Variants in PDE1C observed in about 807,000 individuals in gnomAD.
The protein encoded by PDE1C is dual specificity calcium/calmodulin-dependent 3',5'-cyclic nucleotide phosphodiesterase 1C.
Under a neutral mutation model 93.1 loss-of-function variants are expected in PDE1C, and 62 were observed. The observed-to-expected ratio is 0.67, with a 90% CI of 0.54 to 0.82. The LOEUF is 0.82. PDE1C is among the 40% of genes least tolerant of loss of function. The pLI, the probability that PDE1C is intolerant of heterozygous loss-of-function variation, is 0.00. For missense variants in PDE1C, 742 were observed against 884.6 expected, an observed-to-expected ratio of 0.84 and a Z score of 2.04; for synonymous variants, 325 against 310.1, an observed-to-expected ratio of 1.05 and a Z score of -0.50.
At chr7:31,623,112 G>A in the PDE1C span, among the ~76,000 whole-genome samples, 9 of 152,038 alleles carry the variant, frequency 5.9e-5, no homozygotes, top group South Asian at 2.1e-4. Context: ...GCAATAATCA[G>A]TAGCTTACCA....
intron 3 of PDE1C, among the ~76,000 whole-genome samples, chr7:32,134,208 T>A (rs1308047120): frequency 6.6e-6 from 1 of 151,860 alleles, no homozygotes; most frequent in East Asian, 1.9e-4. Flanking sequence ...AGAAGAAGAT[T>A]TAAAAATTGG....
intron 2 of PDE1C, among the ~76,000 whole-genome samples, chr7:31,891,743 C>A (rs987887331): frequency 3.3e-5 from 5 of 151,880 alleles, no homozygotes; most frequent in African/African-American, 1.2e-4. Flanking sequence ...TATACCTTGA[C>A]TGTGGTGGTG....
At chr7:31,697,233 T>G in the PDE1C span, 1 of 1,310,638 alleles carries the variant, frequency 7.6e-7, no homozygotes, top group Non-Finnish European at 1.0e-6. Flanking sequence ...TGCGTTGTCC[T>G]GAAGTGCTCT....
At chr7:31,869,485 T>A (rs1041694185) in intron 6 of PDE1C, among the ~76,000 whole-genome samples, 2 of 151,850 alleles carry the variant, frequency 1.3e-5, no homozygotes, top group African/African-American at 4.8e-5. Flanking sequence ...TTATATCAGA[T>A]AAAACAGACT....
At chr7:31,913,787 C>T (rs10271925) in intron 2 of PDE1C, among the ~76,000 whole-genome samples, 69,449 of 151,942 alleles carry the variant, frequency 0.46, 16,714 homozygotes, top group Non-Finnish European at 0.54. Flanking sequence ...CCCAGCCTCA[C>T]AAAACCGGTT....
At chr7:32,112,115 C>G (rs56008850) in intron 3 of PDE1C, among the ~76,000 whole-genome samples, 11 of 151,862 alleles carry the variant, frequency 7.2e-5, no homozygotes, top group African/African-American at 2.4e-4. Flanking sequence ...TTGAAGAGCA[C>G]GTGTCTCTCT....
In PDE1C at chr7:32,321,760, G is replaced by A. The variant is rs985694251; in HGVS notation, c.310+106062C>T. On this transcript the variant is annotated intron_variant, in intron 1 of 1. Transcript: ENST00000672256. Reference sequence around the variant, plus strand: ...AACTGGCATAAATTTCCCAGGGCAGGGTTTTTTCTACGAATGCTTCCTGAA... The same window carrying A: ...AACTGGCATAAATTTCCCAGGGCAGAGTTTTTTCTACGAATGCTTCCTGAA... Among the ~76,000 whole-genome samples, 14 of 152,180 alleles carry A rather than the reference G, an allele frequency of 9.2e-5. No individual in the cohort carries two copies. In the East Asian group the frequency reaches 2.3e-3, roughly 25 times the overall value.
intron 2 of PDE1C, among the ~76,000 whole-genome samples, chr7:31,925,844 A>AT (rs1381783827): frequency 1.3e-5 from 2 of 152,204 alleles, no homozygotes; most frequent in Non-Finnish European, 2.9e-5. Context: ...TTCCAATAAA[A>AT]TTAGTATTCA....
At chr7:31,982,101 A>G (rs997490235) in intron 2 of PDE1C, among the ~76,000 whole-genome samples, 1 of 152,204 alleles carries the variant, frequency 6.6e-6, no homozygotes, top group Non-Finnish European at 1.5e-5. Flanking sequence ...TGTGCTTTCC[A>G]TCAGCAAATA....
At chr7:32,024,108 T>C (rs1478011066) in intron 2 of PDE1C, among the ~76,000 whole-genome samples, 1 of 152,090 alleles carries the variant, frequency 6.6e-6, no homozygotes, top group Non-Finnish European at 1.5e-5. Context: ...TATATCAGGA[T>C]GTGTCATGAG....
At chr7:32,218,379 A>G (rs1482400394) in intron 1 of PDE1C, among the ~76,000 whole-genome samples, 2 of 152,236 alleles carry the variant, frequency 1.3e-5, no homozygotes, top group Non-Finnish European at 2.9e-5. Context: ...TGAAAGTGGC[A>G]GGGATGGTGC....
intron 5 of PDE1C, among the ~76,000 whole-genome samples, chr7:31,875,816 T>G (rs1255309936): frequency 1.2e-5 from 1 of 81,804 alleles, no homozygotes; most frequent in African/African-American, 4.9e-5. Context: ...TATATATATA[T>G]ATATATATAT....
At chr7:32,336,739 A>C (rs534857441) in intron 1 of PDE1C, among the ~76,000 whole-genome samples, 25 of 152,338 alleles carry the variant, frequency 1.6e-4, no homozygotes, top group South Asian at 8.3e-4. Context: ...TGCTACATTC[A>C]AATAACTCAT....
chr7:31,942,365 G>A (rs1805973500), intron 2 of PDE1C, among the ~76,000 whole-genome samples: 1 of 152,102 alleles, frequency 6.6e-6, no homozygotes, highest in African/African-American at 2.4e-5. Flanking sequence ...TCATCACTCA[G>A]CTACTTCATG....
chr7:31,981,418 TTCATA>T (rs1812359032), intron 2 of PDE1C, among the ~76,000 whole-genome samples: 1 of 152,188 alleles, frequency 6.6e-6, no homozygotes, highest in African/African-American at 2.4e-5. Flanking sequence ...AACATATCAC[TTCATA>T]TATTTTAATT....
chr7:31,993,383 G>A lies in PDE1C; in HGVS notation c.128+58171C>T, dbSNP rs575103872. Among the ~76,000 whole-genome samples, 3 of 152,268 alleles carry A rather than the reference G, an allele frequency of 2.0e-5. No homozygotes were observed. In the South Asian group the frequency reaches 6.2e-4, roughly 32 times the overall value. On this transcript the variant is annotated intron_variant, in intron 2 of 17. Transcript: ENST00000396191. ...AGTCCAAGCTTGACTGGAATAAGGA[G>A]GGCAGACAGGGAGCCTAGAAGGGTA...
intron 2 of PDE1C, among the ~76,000 whole-genome samples, chr7:31,935,216 G>A (rs974262181): frequency 2.0e-5 from 3 of 152,278 alleles, no homozygotes; most frequent in Non-Finnish European, 2.9e-5. Context: ...AGATGAAAAC[G>A]ATAAAAACTT....
chr7:31,655,221 T>C, the PDE1C span, among the ~76,000 whole-genome samples: 144,251 of 152,230 alleles, frequency 0.95, 68,558 homozygotes, highest in East Asian at 1. Flanking sequence ...TGATCCTCTC[T>C]GTCAGTGGCA....
At chr7:32,345,494 T>C (rs1196335126) in intron 1 of PDE1C, among the ~76,000 whole-genome samples, 1 of 152,084 alleles carries the variant, frequency 6.6e-6, no homozygotes, top group Admixed American at 6.6e-5. Flanking sequence ...GAAAAAGAAT[T>C]TATAAATTGG....
Sources: gnomAD v4.1 joint callset for allele counts (sites outside exome capture counted in the v4.1 genomes callset) on GRCh38, gnomAD v4.1.1 for gene constraint, MANE v1.5 for transcripts, NCBI Gene and HGNC (gene_info 2026-07-23, HGNC 2026-07-21) for gene names.